CEP89: variants seen among roughly 807,000 people sequenced by gnomAD.
CEP89 encodes the protein centrosomal protein 89.
Under a neutral mutation model 97.6 loss-of-function variants are expected in CEP89, and 95 were observed. The observed-to-expected ratio is 0.97, with a 90% CI of 0.82 to 1.15. CEP89 has a LOEUF of 1.15. Ranked by LOEUF, CEP89 falls within the 50% of genes most tolerant of loss-of-function variation. The pLI is 0.00. For synonymous variants in CEP89, 354 were observed against 349.1 expected, an observed-to-expected ratio of 1.01 and a Z score of -0.16; for missense variants, 869 against 947.7, an observed-to-expected ratio of 0.92 and a Z score of 1.09.
chr19:32,958,823 C>A (rs977542247), intron 3 of CEP89, among the ~76,000 whole-genome samples: 1 of 151,912 alleles, frequency 6.6e-6, no homozygotes, highest in African/African-American at 2.4e-5. Context: ...TCAAGACCAG[C>A]CTGACCAACA....
In CEP89 at chr19:32,937,618, A is replaced by G. The variant is rs1161067123; in HGVS notation, c.667+13T>C. 1 of 1,579,236 alleles carries G rather than the reference A, an allele frequency of 6.3e-7. No homozygotes were observed. The highest frequency in any genetic ancestry group is 2.2e-5 in the East Asian group (1 of 44,720). ...AAGCTTTTCAATCATAATATAATTC[A>G]AAAGGCAAATACCTGGGGAGGGTGG... On this transcript the variant is annotated intron_variant, in intron 7 of 18. Coordinates refer to ENST00000305768, the MANE Select transcript of CEP89 (RefSeq NM_032816.5).
intron 16 of CEP89, among the ~76,000 whole-genome samples, chr19:32,898,318 G>A (rs1474677432): frequency 6.6e-6 from 1 of 152,070 alleles, no homozygotes; most frequent in Non-Finnish European, 1.5e-5. Context: ...CATATGTGGG[G>A]GCTAAAAAAG....
Position 32,933,696 on chromosome 19 carries a change from C to T in CEP89, c.668-27G>A, listed in dbSNP as rs564726969. Reference sequence around the variant, plus strand: ...TGAAAGGGTTCAGGGGAAAATTTTACAATGTTAATTGATGTTGACAATGTT... The same window carrying T: ...TGAAAGGGTTCAGGGGAAAATTTTATAATGTTAATTGATGTTGACAATGTT... On this transcript the variant is annotated intron_variant, in intron 7 of 18. Transcript: ENST00000305768. 2.2e-6 allele frequency: 3 copies of T among 1,386,558 alleles called. No individual in the cohort carries two copies. The South Asian group carries it at 3.5e-5, about 16-fold the overall frequency. The allele number at this position is 1,386,558 out of a possible 1,614,324, so 85.9% of individuals were successfully genotyped here. A position where few individuals can be genotyped will look rare whatever the true frequency, so the allele number is the denominator to read the frequency against.
chr19:32,971,561 G>A (rs1290707162), intron 1 of CEP89: 8 of 580,622 alleles, frequency 1.4e-5, no homozygotes, highest in Non-Finnish European at 2.5e-5. Context: ...GGAGGCTGGG[G>A]TGGGAAGATC....
intron 17 of CEP89, among the ~76,000 whole-genome samples, chr19:32,883,942 C>A (rs939068428): frequency 6.6e-6 from 1 of 152,102 alleles, no homozygotes; most frequent in Non-Finnish European, 1.5e-5. Context: ...AAATTTGCTG[C>A]TGTGTTATTT....
intron 17 of CEP89, among the ~76,000 whole-genome samples, 182 bp from the exon 18 acceptor site, chr19:32,882,195 A>T (rs1268845758): frequency 6.6e-6 from 1 of 152,192 alleles, no homozygotes. Flanking sequence ...TGACAAAAGA[A>T]TTTCAGGTAC....
intron 3 of CEP89, 112 bp downstream of exon 3, chr19:32,959,788 C>A: frequency 1.7e-6 from 2 of 1,194,296 alleles, no homozygotes; most frequent in Non-Finnish European, 2.3e-6. Flanking sequence ...CACGCACCCA[C>A]ACAGGTACAC....
intron 16 of CEP89, among the ~76,000 whole-genome samples, chr19:32,898,336 C>T (rs759994014): frequency 7.8e-4 from 119 of 151,692 alleles, no homozygotes; most frequent in East Asian, 1.7e-3. Context: ...AAGTTGACCT[C>T]ATGGAGGTGG....
intron 14 of CEP89, among the ~76,000 whole-genome samples, chr19:32,906,237 T>C (rs895032990): frequency 2.0e-5 from 3 of 152,238 alleles, no homozygotes; most frequent in Non-Finnish European, 4.4e-5. Context: ...ATTTTACTTT[T>C]TGTTTTCTAT....
intron 16 of CEP89, among the ~76,000 whole-genome samples, chr19:32,892,307 T>TG (rs1266878044): frequency 1.0e-5 from 1 of 100,256 alleles, no homozygotes; most frequent in Non-Finnish European, 2.0e-5. Flanking sequence ...TTCTTTTTCC[T>TG]TTTTTTTTCT....
At chr19:32,907,616 T>C (rs548802826) in intron 14 of CEP89, among the ~76,000 whole-genome samples, 2 of 152,272 alleles carry the variant, frequency 1.3e-5, no homozygotes, top group Non-Finnish European at 2.9e-5. Flanking sequence ...CACACCTGGC[T>C]AATTTTTGTA....
chr19:32,885,974 T>A (rs541238637), intron 17 of CEP89, among the ~76,000 whole-genome samples: 1 of 152,324 alleles, frequency 6.6e-6, no homozygotes, highest in Non-Finnish European at 1.5e-5. Context: ...AAACCGCTTC[T>A]CTGTCCCTTC....
At chr19:32,898,568 A>C (rs1464400234) in intron 16 of CEP89, among the ~76,000 whole-genome samples, 1 of 152,166 alleles carries the variant, frequency 6.6e-6, no homozygotes, top group African/African-American at 2.4e-5. Flanking sequence ...AGGACTTGAA[A>C]TATTCTCCAC....
chr19:32,965,256 C>A (rs1971256096), intron 2 of CEP89, among the ~76,000 whole-genome samples: 1 of 152,072 alleles, frequency 6.6e-6, no homozygotes, highest in South Asian at 2.1e-4. Flanking sequence ...AAAAAATTAG[C>A]CAGGCATGGT....
chr19:32,955,985 T>C (rs1971038459), intron 3 of CEP89, among the ~76,000 whole-genome samples: 1 of 152,114 alleles, frequency 6.6e-6, no homozygotes, highest in South Asian at 2.1e-4. Context: ...TGAATGTTTT[T>C]CCATATACTT....
intron 4 of CEP89, among the ~76,000 whole-genome samples, chr19:32,951,930 T>G (rs749086304): frequency 3.3e-5 from 5 of 152,200 alleles, no homozygotes; most frequent in South Asian, 2.1e-4. Context: ...TATGACTCTA[T>G]GTGTAACATC....
At chr19:32,900,532 G>A (rs778478478) in intron 15 of CEP89, among the ~76,000 whole-genome samples, 37 of 151,964 alleles carry the variant, frequency 2.4e-4, no homozygotes, top group Non-Finnish European at 1.5e-4. Flanking sequence ...ACAAAGTGCT[G>A]GGATTACAGG....
chr19:32,886,720 A>G (rs549029638), intron 17 of CEP89, among the ~76,000 whole-genome samples: 1 of 152,176 alleles, frequency 6.6e-6, no homozygotes, highest in South Asian at 2.1e-4. Flanking sequence ...TCTCTTTTGG[A>G]AGTAAAAAGC....
intron 2 of CEP89, among the ~76,000 whole-genome samples, chr19:32,960,421 A>G (rs1037178497): frequency 2.6e-5 from 4 of 152,186 alleles, no homozygotes; most frequent in Admixed American, 6.6e-5. Flanking sequence ...TAGAAAGACT[A>G]AAAGATTTAA....
Sources: gnomAD v4.1 joint callset for allele counts (sites outside exome capture counted in the v4.1 genomes callset) on GRCh38, gnomAD v4.1.1 for gene constraint, MANE v1.5 for transcripts, NCBI Gene and HGNC (gene_info 2026-07-23, HGNC 2026-07-21) for gene names.